The following ARMC2 variants were observed in gnomAD, a reference collection of about 807,000 sequenced individuals.
ARMC2 encodes the protein armadillo repeat containing 2.
In ARMC2, 67 loss-of-function variants were observed where a neutral mutation model predicts 90.3. The ratio of observed to expected loss-of-function variants is 0.74; its 90% CI spans 0.61 to 0.91. The LOEUF (loss-of-function observed/expected upper bound fraction) is 0.91, where lower values mean the gene tolerates loss of function less well. Among genes scored for constraint, ARMC2 ranks in the 40% least tolerant of loss-of-function variants. ARMC2 has a pLI of 0.00. For missense variants in ARMC2, 920 were observed against 1,030.9 expected, an observed-to-expected ratio of 0.89 and a Z score of 1.47; for synonymous variants, 393 against 393.0, an observed-to-expected ratio of 1.00 and a Z score of 0.00.
the ARMC2 span, among the ~76,000 whole-genome samples, chr6:109,037,136 A>AT: frequency 3.3e-5 from 5 of 152,232 alleles, no homozygotes; most frequent in Admixed American, 6.5e-5. Flanking sequence ...CCAATGGGCC[A>AT]TAAGTCCAGA....
chr6:108,878,119 A>G (rs541940351), intron 5 of ARMC2, among the ~76,000 whole-genome samples: 1 of 152,338 alleles, frequency 6.6e-6, no homozygotes, highest in South Asian at 2.1e-4. Context: ...AATAAACCAA[A>G]AAACAGAAAC....
chr6:108,957,219 G>T (rs112564908), intron 13 of ARMC2, among the ~76,000 whole-genome samples: 395 of 152,308 alleles, frequency 2.6e-3, no homozygotes, highest in African/African-American at 9.2e-3. Context: ...CCAAATAAAA[G>T]TTGATAGAAG....
chr6:108,862,521 G>T (rs906813371), intron 3 of ARMC2, among the ~76,000 whole-genome samples: 5 of 152,014 alleles, frequency 3.3e-5, no homozygotes, highest in African/African-American at 1.2e-4. Context: ...AAAATTTGGG[G>T]CCCCCAGTCA....
intron 17 of ARMC2, among the ~76,000 whole-genome samples, chr6:108,970,302 T>C (rs1486130678): frequency 6.6e-6 from 1 of 151,946 alleles, no homozygotes. Flanking sequence ...AACATGGTCT[T>C]GACATTAGAT....
chr6:108,982,225 T>C, the ARMC2 span, among the ~76,000 whole-genome samples: 2 of 152,232 alleles, frequency 1.3e-5, no homozygotes, highest in Admixed American at 6.5e-5. Flanking sequence ...CAAAAGTTCA[T>C]TCCTCACAGT....
chr6:108,897,910 A>C (rs1200180271), intron 6 of ARMC2, among the ~76,000 whole-genome samples: 1 of 152,140 alleles, frequency 6.6e-6, no homozygotes, highest in Non-Finnish European at 1.5e-5. Context: ...ATTAATATGG[A>C]TATTTACTAA....
the ARMC2 span, among the ~76,000 whole-genome samples, chr6:108,991,281 G>T: frequency 2.8e-4 from 43 of 151,976 alleles, no homozygotes; most frequent in Non-Finnish European, 5.4e-4. Context: ...TCACTATGTT[G>T]TCCAGGCTAG....
At chr6:108,898,280 TTC>T (rs141987868) in intron 6 of ARMC2, among the ~76,000 whole-genome samples, 1 of 151,462 alleles carries the variant, frequency 6.6e-6, no homozygotes, top group Admixed American at 6.6e-5. Flanking sequence ...TCTCTGTCTC[TTC>T]TCTCTCTCTC....
chr6:108,915,606 G>C (rs1424627552), intron 10 of ARMC2, among the ~76,000 whole-genome samples: 1 of 152,182 alleles, frequency 6.6e-6, no homozygotes, highest in African/African-American at 2.4e-5. Flanking sequence ...TGCAGGATTT[G>C]GGAAACTAGA....
chr6:108,927,074 A>C (rs1435159630), intron 10 of ARMC2, among the ~76,000 whole-genome samples: 3 of 152,188 alleles, frequency 2.0e-5, no homozygotes, highest in African/African-American at 7.2e-5. Flanking sequence ...AGGATGCTTT[A>C]TGTTTACATG....
intron 17 of ARMC2, among the ~76,000 whole-genome samples, chr6:108,969,896 C>T (rs1209705147): frequency 2.0e-5 from 3 of 151,996 alleles, no homozygotes; most frequent in African/African-American, 7.2e-5. Flanking sequence ...AAAAAATTAG[C>T]TGGGTGTGTG....
At chr6:109,029,402 T>C in the ARMC2 span, among the ~76,000 whole-genome samples, 17 of 152,246 alleles carry the variant, frequency 1.1e-4, no homozygotes, top group Non-Finnish European at 2.2e-4. Flanking sequence ...AGGAATGATT[T>C]TGCTTTATTA....
At chr6:108,987,251 T>C in the ARMC2 span, 3 of 277,970 alleles carry the variant, frequency 1.1e-5, no homozygotes, top group Admixed American at 5.2e-5. Flanking sequence ...GCAACAGGAT[T>C]TGGAGAGTTA....
chr6:108,956,662 C>T (rs1777606852), intron 13 of ARMC2, among the ~76,000 whole-genome samples: 1 of 151,940 alleles, frequency 6.6e-6, no homozygotes, highest in Admixed American at 6.6e-5. Flanking sequence ...GCTTACACCA[C>T]TGCACTCTGG....
chr6:108,937,478 G>A (rs571823110), intron 12 of ARMC2, among the ~76,000 whole-genome samples: 4 of 152,140 alleles, frequency 2.6e-5, no homozygotes, highest in Non-Finnish European at 5.9e-5. Flanking sequence ...CCCTGCACTG[G>A]ATAGTCCCTG....
At chr6:108,902,938 C>T (rs1296182150) in intron 7 of ARMC2, among the ~76,000 whole-genome samples, 1 of 152,050 alleles carries the variant, frequency 6.6e-6, no homozygotes, top group Non-Finnish European at 1.5e-5. Context: ...GAGGCTGAGG[C>T]AAGCAGATCA....
At chr6:108,980,695 C>T in the ARMC2 span, among the ~76,000 whole-genome samples, 1 of 152,148 alleles carries the variant, frequency 6.6e-6, no homozygotes, top group African/African-American at 2.4e-5. Context: ...CAGAGATGCC[C>T]TGCCCAGAGA....
At chr6:109,022,430 T>C in the ARMC2 span, among the ~76,000 whole-genome samples, 10 of 140,440 alleles carry the variant, frequency 7.1e-5, no homozygotes, top group Non-Finnish European at 1.4e-4. Flanking sequence ...TTTTTTTTTT[T>C]TTTTTTTTTT....
intron 13 of ARMC2, among the ~76,000 whole-genome samples, chr6:108,960,051 C>T (rs1451160780): frequency 6.6e-6 from 1 of 152,160 alleles, no homozygotes; most frequent in Non-Finnish European, 1.5e-5. Flanking sequence ...GATTGCCCAA[C>T]TCTTAGATCC....
Sources: gnomAD v4.1 joint callset for allele counts (sites outside exome capture counted in the v4.1 genomes callset) on GRCh38, gnomAD v4.1.1 for gene constraint, MANE v1.5 for transcripts, NCBI Gene and HGNC (gene_info 2026-07-23, HGNC 2026-07-21) for gene names.